XKR9: variants seen among roughly 807,000 people sequenced by gnomAD.
XKR9 encodes XK related 9.
In XKR9, 32 loss-of-function variants were observed where a neutral mutation model predicts 32.0. The observed-to-expected ratio is 1.00, with a 90% CI of 0.76 to 1.34. The LOEUF (loss-of-function observed/expected upper bound fraction) is 1.34, where lower values mean the gene tolerates loss of function less well. Ranked by LOEUF, XKR9 falls within the 40% of genes most tolerant of loss-of-function variation. The probability of loss-of-function intolerance (pLI) is 0.00; values close to 1 mark genes in which losing one functional copy is unlikely to be tolerated. For missense variants in XKR9, 546 were observed against 429.7 expected, an observed-to-expected ratio of 1.27 and a Z score of -2.39; for synonymous variants, 168 against 143.4, an observed-to-expected ratio of 1.17 and a Z score of -1.22.
At chr8:70,814,466 A>C in the XKR9 span, among the ~76,000 whole-genome samples, 1 of 151,720 alleles carries the variant, frequency 6.6e-6, no homozygotes, top group African/African-American at 2.4e-5. Flanking sequence ...AAAAAATAAA[A>C]ATAAATTATA....
intron 2 of XKR9, among the ~76,000 whole-genome samples, chr8:70,783,286 G>A (rs1807641038): frequency 6.6e-6 from 1 of 151,704 alleles, no homozygotes; most frequent in South Asian, 2.1e-4. Context: ...GAGTGCAGTG[G>A]CATGATCTTG....
chr8:70,777,078 G>C lies in XKR9; in HGVS notation n.353-12261G>C, dbSNP rs967228775. On this transcript the variant is annotated intron_variant and non_coding_transcript_variant, in intron 2 of 3. Coordinates refer to the XKR9 transcript ENST00000520273. The stretch of plus-strand genomic sequence containing the variant: ...ACCCATCAACTTGTTATTTACATTA[G>C]GTGTTTCTCCTAATGCTATCCCTCT... 2.0e-5 allele frequency among the ~76,000 whole-genome samples: 3 copies of C among 151,470 alleles called. No individual in the cohort carries two copies. The East Asian group carries it at 5.8e-4, about 29-fold the overall frequency.
intron 2 of XKR9, among the ~76,000 whole-genome samples, chr8:70,744,941 A>C (rs1321649550): frequency 2.0e-5 from 3 of 150,156 alleles, no homozygotes; most frequent in Non-Finnish European, 4.5e-5. Context: ...GTTTTTTAAA[A>C]AGTCTAGCCT....
At chr8:70,847,156 A>G in the XKR9 span, among the ~76,000 whole-genome samples, 1 of 152,056 alleles carries the variant, frequency 6.6e-6, no homozygotes, top group Non-Finnish European at 1.5e-5. Flanking sequence ...TCAGGCCACA[A>G]AGGAATAAAA....
chr8:70,967,415 T>C, the XKR9 span, among the ~76,000 whole-genome samples: 1 of 152,132 alleles, frequency 6.6e-6, no homozygotes, highest in African/African-American at 2.4e-5. Context: ...CTTTTAATTG[T>C]GGCATTTAGC....
chr8:70,960,916 C>T, the XKR9 span, among the ~76,000 whole-genome samples: 3 of 150,922 alleles, frequency 2.0e-5, no homozygotes, highest in Non-Finnish European at 4.4e-5. Flanking sequence ...ACCGTGTAAT[C>T]TCCAGCATTT....
the XKR9 span, among the ~76,000 whole-genome samples, chr8:71,013,328 G>A: frequency 6.6e-6 from 1 of 152,082 alleles, no homozygotes; most frequent in African/African-American, 2.4e-5. Context: ...GGGACATTAG[G>A]GAGGAACTTA....
the XKR9 span, among the ~76,000 whole-genome samples, chr8:70,835,539 A>T: frequency 1.3e-5 from 2 of 152,086 alleles, no homozygotes; most frequent in Non-Finnish European, 2.9e-5. Flanking sequence ...CCTGTAGGCC[A>T]GTTAGGTTAA....
chr8:70,739,725 T>G (rs538400234), downstream of XKR9, among the ~76,000 whole-genome samples: 421 of 152,220 alleles, frequency 2.8e-3, 5 homozygotes, highest in Middle Eastern at 0.014. Context: ...CTTCACTTAT[T>G]AAGCTTAGTT....
chr8:70,913,448 A>C, the XKR9 span, among the ~76,000 whole-genome samples: 3 of 152,150 alleles, frequency 2.0e-5, no homozygotes, highest in Non-Finnish European at 2.9e-5. Flanking sequence ...TAAACATATA[A>C]AATTTATATA....
the XKR9 span, among the ~76,000 whole-genome samples, chr8:70,804,626 G>A: frequency 1.3e-5 from 2 of 152,144 alleles, no homozygotes; most frequent in Non-Finnish European, 2.9e-5. Context: ...ATAACACAGG[G>A]CGAAAAAATT....
the XKR9 span, among the ~76,000 whole-genome samples, chr8:70,841,472 C>A: frequency 6.0e-4 from 91 of 152,166 alleles, no homozygotes; most frequent in African/African-American, 1.9e-3. Context: ...CTTAAAAAAC[C>A]TCCTGTGTTG....
chr8:71,034,294 C>T, the XKR9 span, among the ~76,000 whole-genome samples: 1 of 152,116 alleles, frequency 6.6e-6, no homozygotes, highest in South Asian at 2.1e-4. Context: ...TTATAAGGGG[C>T]TTTTCTCTGC....
intron 4 of XKR9, among the ~76,000 whole-genome samples, chr8:70,729,630 A>G (rs1474704939): frequency 6.6e-6 from 1 of 152,206 alleles, no homozygotes; most frequent in Non-Finnish European, 1.5e-5. Context: ...TGACAAAAAA[A>G]TCTTAGGGCA....
chr8:70,825,382 T>A, the XKR9 span, among the ~76,000 whole-genome samples: 3 of 152,068 alleles, frequency 2.0e-5, no homozygotes, highest in Admixed American at 1.3e-4. Flanking sequence ...TCCTCTTATG[T>A]CTTCCTTCAT....
At chr8:71,050,966 A>C in the XKR9 span, among the ~76,000 whole-genome samples, 1 of 152,190 alleles carries the variant, frequency 6.6e-6, no homozygotes, top group Non-Finnish European at 1.5e-5. Flanking sequence ...AATTAAAAGT[A>C]AGACAATGAT....
At chr8:70,756,600 T>C (rs1250085890) in intron 2 of XKR9, among the ~76,000 whole-genome samples, 1 of 152,236 alleles carries the variant, frequency 6.6e-6, no homozygotes, top group Non-Finnish European at 1.5e-5. Context: ...TATTACTAAG[T>C]GTTATATCCT....
At chr8:70,695,647 T>C (rs1035583214) in intron 3 of XKR9, among the ~76,000 whole-genome samples, 5 of 152,000 alleles carry the variant, frequency 3.3e-5, no homozygotes, top group African/African-American at 1.2e-4. Context: ...TACGTGTGCA[T>C]GTGTCTTTAT....
the XKR9 span, among the ~76,000 whole-genome samples, chr8:70,888,351 T>C: frequency 6.6e-6 from 1 of 152,170 alleles, no homozygotes; most frequent in South Asian, 2.1e-4. Flanking sequence ...ATTTTGGATA[T>C]GAATTCCTTG....
Sources: allele counts gnomAD v4.1 joint callset (sites outside exome capture counted in the v4.1 genomes callset), GRCh38; gene constraint gnomAD v4.1.1; transcripts MANE v1.5; gene names NCBI Gene and HGNC (gene_info 2026-07-23, HGNC 2026-07-21).